The following KIF7 variants were observed in gnomAD, a reference collection of about 807,000 sequenced individuals.
KIF7 encodes the protein kinesin family member 7.
A neutral mutation model predicts 135.7 loss-of-function variants in KIF7; 104 were observed. That is an observed-to-expected ratio of 0.77 (90% CI 0.65 to 0.90). The LOEUF is 0.90. KIF7 is among the 40% of genes least tolerant of loss of function. KIF7 has a pLI of 0.00. For missense variants in KIF7, 2,005 were observed against 1,839.1 expected, an observed-to-expected ratio of 1.09 and a Z score of -1.65; for synonymous variants, 883 against 809.4, an observed-to-expected ratio of 1.09 and a Z score of -1.54.
chr15:89,642,176 A>AC (rs1963933483), intron 11 of KIF7, 27 bp downstream of exon 11: 1 of 1,605,670 alleles, frequency 6.2e-7, no homozygotes, highest in African/African-American at 1.3e-5. Flanking sequence ...TCACCCCAGC[A>AC]CCCCACCCTG....
At chr15:89,629,284 T>TG (rs1567057170) in intron 17 of KIF7, 91 bp downstream of exon 17, 5 of 570,176 alleles carry the variant, frequency 8.8e-6, no homozygotes, top group Non-Finnish European at 1.1e-5. Flanking sequence ...GCAGGGGCGG[T>TG]GGGGGGAGGG....
At position 89,628,554 on chromosome 15, in the gene KIF7, A is replaced by T. The variant is rs1039815039; in HGVS notation, c.3897T>A (p.Ala1299=). The T allele has an allele frequency of 6.2e-7, 1 of 1,613,212 alleles. No individual in the cohort carries two copies. The highest frequency in any genetic ancestry group is 1.3e-5 in the African/African-American group (1 of 74,948). Reference sequence around the variant, plus strand: ...GAAGCACCCGCCCCACCAGGGGCTCAGCCGCCTCCCGCTGCCTCAGTTCCT... The same window carrying T: ...GAAGCACCCGCCCCACCAGGGGCTCTGCCGCCTCCCGCTGCCTCAGTTCCT... ...SPEELRQREA[A]EPLVGRVLPV... Residue 1299 remains alanine (A), a synonymous_variant, in exon 19 of 19, where the codon GCT becomes GCA. Coordinates refer to ENST00000394412, the MANE Select transcript of KIF7 (RefSeq NM_198525.3).
chr15:89,648,842 T>G (rs1213623292), intron 4 of KIF7, 68 bp from the exon 5 acceptor site: 2 of 1,477,024 alleles, frequency 1.4e-6, no homozygotes, highest in Non-Finnish European at 1.8e-6. Context: ...GGGCCAGACC[T>G]GGGACCGGCT....
chr15:89,654,788 G>C (rs1011645803), intron 1 of KIF7, among the ~76,000 whole-genome samples: 3 of 152,328 alleles, frequency 2.0e-5, no homozygotes, highest in African/African-American at 7.2e-5. Context: ...CGCCAGCCCG[G>C]CACTTCATTC....
chr15:89,633,540 G>C lies in KIF7; in HGVS notation c.2592+146C>G. 3 of 938,456 alleles carry C rather than the reference G, an allele frequency of 3.2e-6. No individual in the cohort carries two copies. In the Admixed American group the frequency reaches 6.8e-5, roughly 21 times the overall value. The allele number at this position is 938,456 out of a possible 1,614,324, so 58.1% of individuals were successfully genotyped here. A position where few individuals can be genotyped will look rare whatever the true frequency, so the allele number is the denominator to read the frequency against. ...TTTCCTATAACATTCCACATTTTCA[G>C]ATGAAAAAACAGACTCAGGCTAAGT... On this transcript the variant is annotated intron_variant, in intron 12 of 18. Transcript: ENST00000394412.
At chr15:89,618,123 A>T (rs1441823213) in exon 2 of KIF7, 8 of 1,607,384 alleles carry the variant, frequency 5.0e-6, no homozygotes, top group African/African-American at 1.3e-5. Flanking sequence ...AGTGGTATGG[A>T]GTAATCCTTG....
Position 89,649,260 on chromosome 15 carries a change from G to T in KIF7, c.637C>A (p.Leu213Met), listed in dbSNP as rs967375546. ...RHTGATHLNH[L>M]SSRSHTVFTV... is the part of the protein sequence containing the mutation. ...AAGACCGTGTGTGAGCGGCTAGACA[G>T]GTGGTTGAGGTGCGTGGCTCCCGTG... The change falls in exon 4 of 19, where the codon CTG becomes ATG. Residue 213 changes from leucine to methionine, a missense_variant. Coordinates refer to ENST00000394412, the MANE Select transcript of KIF7 (RefSeq NM_198525.3). The T allele has an allele frequency of 2.6e-6, 4 of 1,526,942 alleles. No homozygotes were observed. Among genetic ancestry groups the T allele is most frequent in the Non-Finnish European group, 3.5e-6 (4 of 1,131,886 alleles). The allele number at this position is 1,526,942 out of a possible 1,614,324, so 94.6% of individuals were successfully genotyped here.
chr15:89,621,374 T>A lies in KIF7; in HGVS notation c.181-3179A>T, dbSNP rs1373906813. 1.9e-6 allele frequency: 3 copies of A among 1,588,238 alleles called. No individual in the cohort carries two copies. The South Asian group carries it at 3.5e-5, about 18-fold the overall frequency. On this transcript the variant is annotated intron_variant and NMD_transcript_variant, in intron 1 of 2. Transcript: ENST00000558928. ...GAATTGAGAAAGAATTAAATATTGT[T>A]GCTGTTTTTGACTTGCAGACCAAAG...
At chr15:89,659,379 T>C (rs2141514484), upstream of KIF7, among the ~76,000 whole-genome samples, 1 of 148,958 alleles carries the variant, frequency 6.7e-6, no homozygotes, top group South Asian at 2.1e-4. Flanking sequence ...CTAGCATGGG[T>C]GACAGAGCAA....
At position 89,647,623 on chromosome 15, in the gene KIF7, C is replaced by G. The variant is rs1397142983; in HGVS notation, c.1533G>C (p.Glu511Asp). 6.2e-7 allele frequency: 1 copy of G among 1,612,028 alleles called. No homozygotes were observed. Among genetic ancestry groups the G allele is most frequent in the East Asian group, 2.2e-5 (1 of 44,874 alleles). ...GCAGTTTGTACTGCTCCATGGCGTC[C>G]TCCAGCGCAGCCAGAAAGTCTCGGT... ...EENRDFLAAL[E>D]DAMEQYKLQS... is the part of the protein sequence containing the mutation. The change falls in exon 6 of 19, where the codon GAG becomes GAC. Residue 511 changes from glutamate to aspartate, a missense_variant. Coordinates refer to ENST00000394412, the MANE Select transcript of KIF7 (RefSeq NM_198525.3).
downstream of KIF7, chr15:89,624,358 G>C: frequency 5.6e-6 from 9 of 1,614,140 alleles, no homozygotes; most frequent in Non-Finnish European, 7.6e-6. Context: ...ACCCAGCGTA[G>C]CTGCATCTCT....
intron 1 of KIF7, among the ~76,000 whole-genome samples, chr15:89,621,226 G>A (rs1468205396): frequency 6.6e-6 from 1 of 151,834 alleles, no homozygotes; most frequent in African/African-American, 2.4e-5. Flanking sequence ...TCGCTATGTT[G>A]GCCAGGCTGG....
chr15:89,617,457 G>A (rs1963353229), intron 2 of KIF7, among the ~76,000 whole-genome samples: 1 of 152,102 alleles, frequency 6.6e-6, no homozygotes, highest in Admixed American at 6.5e-5. Flanking sequence ...TATTAATGGG[G>A]TTTATAATTC....
downstream of KIF7, chr15:89,627,216 G>T (rs1207195350): frequency 1.7e-6 from 2 of 1,152,520 alleles, no homozygotes; most frequent in Non-Finnish European, 2.4e-6. Context: ...AATGCCTTAG[G>T]GTTTTCTAAT....
chr15:89,630,988 A>G (rs1365148799), intron 15 of KIF7: 4 of 237,236 alleles, frequency 1.7e-5, no homozygotes, highest in Admixed American at 5.1e-5. Context: ...GTTGTTAACC[A>G]TGGTGAGTAT....
upstream of KIF7, among the ~76,000 whole-genome samples, chr15:89,656,493 T>A (rs928594834): frequency 1.3e-5 from 2 of 152,060 alleles, no homozygotes; most frequent in African/African-American, 4.8e-5. Context: ...CCACACAGCT[T>A]AGGCCTGTCC....
chr15:89,619,610 A>G (rs1263896679), intron 1 of KIF7: 19 of 1,267,868 alleles, frequency 1.5e-5, no homozygotes, highest in Non-Finnish European at 2.0e-5. Context: ...TCCATCTTAT[A>G]TGTGGTACTA....
At chr15:89,618,002 C>A in intron 2 of KIF7, 1 of 807,848 alleles carries the variant, frequency 1.2e-6, no homozygotes, top group Non-Finnish European at 2.1e-6. Flanking sequence ...TCCCTCTTGA[C>A]AATAATCACG....
At chr15:89,633,477 T>C (rs1963730798) in intron 12 of KIF7, among the ~76,000 whole-genome samples, 1 of 152,240 alleles carries the variant, frequency 6.6e-6, no homozygotes, top group Admixed American at 6.5e-5. Context: ...AGTCACCTCA[T>C]ATACCTCATC....
Sources: allele counts gnomAD v4.1 joint callset (sites outside exome capture counted in the v4.1 genomes callset), GRCh38; gene constraint gnomAD v4.1.1; transcripts MANE v1.5; gene names NCBI Gene and HGNC (gene_info 2026-07-23, HGNC 2026-07-21).